CYP2C19: variants seen among roughly 807,000 people sequenced by gnomAD.
The protein encoded by CYP2C19 is cytochrome P450 2C19.
CYP2C19 carries 59 observed loss-of-function variants against 40.9 expected under a neutral mutation model. The ratio of observed to expected loss-of-function variants is 1.44; its 90% CI spans 1.17 to 1.79. The LOEUF is 1.79. Among genes scored for constraint, CYP2C19 ranks in the 40% most tolerant of loss-of-function variants. CYP2C19 has a pLI of 0.00. For missense variants in CYP2C19, 754 were observed against 596.9 expected (o/e 1.26, Z -2.74); for synonymous variants, 253 against 208.7 (o/e 1.21, Z -1.83).
chr10:94,815,857 C>G lies in CYP2C19; in HGVS notation c.820-4639C>G, dbSNP rs183454195. On this transcript the variant is annotated intron_variant, in intron 5 of 8. Transcript: ENST00000371321. ...CAATTTCAACTTTATAATGAATCTG[C>G]AGGCAATATTGAGTCCATGTACCTT... is the stretch of plus-strand genomic sequence containing the variant. Among the ~76,000 whole-genome samples the G allele has an allele frequency of 3.1e-3, 471 of 152,226 alleles. 3 individuals carry two copies. Among genetic ancestry groups the G allele is most frequent in the African/African-American group, 0.011 (448 of 41,540 alleles).
chr10:94,827,558 T>G (rs1849249615), intron 6 of CYP2C19, among the ~76,000 whole-genome samples: 1 of 152,202 alleles, frequency 6.6e-6, no homozygotes, highest in Non-Finnish European at 1.5e-5. Flanking sequence ...TCTCTCTTTT[T>G]CTTTATTAGT....
At chr10:94,773,076 C>T (rs149601423) in intron 1 of CYP2C19, among the ~76,000 whole-genome samples, 138 of 152,310 alleles carry the variant, frequency 9.1e-4, no homozygotes, top group East Asian at 8.1e-3. Context: ...CCACCGCACC[C>T]GGCCATTGGT....
chr10:94,815,360 A>T (rs1348731593), intron 5 of CYP2C19, among the ~76,000 whole-genome samples: 1 of 152,174 alleles, frequency 6.6e-6, no homozygotes, highest in East Asian at 1.9e-4. Flanking sequence ...AAGCATAATT[A>T]ATTTATTGCT....
At chr10:94,794,236 C>T (rs1053332449) in intron 5 of CYP2C19, among the ~76,000 whole-genome samples, 2 of 152,096 alleles carry the variant, frequency 1.3e-5, no homozygotes, top group Non-Finnish European at 2.9e-5. Context: ...GGGAGTGTCC[C>T]AATTTTCCAG....
intron 6 of CYP2C19, among the ~76,000 whole-genome samples, chr10:94,839,928 T>C (rs896430747): frequency 7.2e-5 from 11 of 152,222 alleles, no homozygotes; most frequent in African/African-American, 2.4e-4. Context: ...TACCTTTTTC[T>C]AACCTTATAG....
chr10:94,787,378 T>G (rs1426544766), intron 5 of CYP2C19, among the ~76,000 whole-genome samples: 2 of 152,136 alleles, frequency 1.3e-5, no homozygotes, highest in African/African-American at 4.8e-5. Context: ...AAGTACCTTA[T>G]AGATTCTCGC....
At chr10:94,843,649 C>T (rs996177142) in intron 7 of CYP2C19, among the ~76,000 whole-genome samples, 45 of 152,284 alleles carry the variant, frequency 3.0e-4, no homozygotes, top group Admixed American at 1.2e-3. Context: ...AATCACTATT[C>T]ATAATTTATC....
At position 94,801,703 on chromosome 10, in the gene CYP2C19, C is replaced by T. The variant is rs183763181; in HGVS notation, c.820-18793C>T. ...ATTGACAGTGGGTGATAAAATCTCC[C>T]ACTATTATTGTGTGGGAGTCTAAGT... On this transcript the variant is annotated intron_variant, in intron 5 of 8. Coordinates refer to ENST00000371321, the MANE Select transcript of CYP2C19 (RefSeq NM_000769.4). Among the ~76,000 whole-genome samples, 474 of 152,226 alleles carry T rather than the reference C, an allele frequency of 3.1e-3. 3 individuals carry two copies. Among genetic ancestry groups the T allele is most frequent in the African/African-American group, 0.011 (450 of 41,538 alleles).
intron 5 of CYP2C19, 90 bp downstream of exon 5, chr10:94,782,087 G>T: frequency 9.3e-7 from 1 of 1,071,480 alleles, no homozygotes. Flanking sequence ...TGTTTAACAG[G>T]TCAAGGAGTA....
chr10:94,834,603 C>A (rs1264018318), intron 6 of CYP2C19, among the ~76,000 whole-genome samples: 1 of 149,974 alleles, frequency 6.7e-6, no homozygotes, highest in African/African-American at 2.5e-5. Flanking sequence ...TGAAACAGAG[C>A]TCCCATACAA....
Position 94,854,543 on chromosome 10 carries a change from G to A in CYP2C19, c.*1629G>A, listed in dbSNP as rs571836372. Among the ~76,000 whole-genome samples the A allele has an allele frequency of 6.6e-6, 1 of 151,872 alleles. No individual in the cohort carries two copies. Among genetic ancestry groups the A allele is most frequent in the Admixed American group, 6.6e-5 (1 of 15,240 alleles). On this transcript the variant is annotated 3_prime_UTR_variant, in exon 9 of 9. Coordinates refer to ENST00000371321, the MANE Select transcript of CYP2C19 (RefSeq NM_000769.4). ...GTAAGAAATAAGAAGTAACATAATT[G>A]ATTATGCTTTTCACAGCTCATCTCC...
At chr10:94,812,913 G>T (rs1848947635) in intron 5 of CYP2C19, among the ~76,000 whole-genome samples, 1 of 151,726 alleles carries the variant, frequency 6.6e-6, no homozygotes, top group African/African-American at 2.4e-5. Context: ...TGCTGGCAAG[G>T]AGTTGTGATC....
chr10:94,834,036 T>G (rs1023360450), intron 6 of CYP2C19, among the ~76,000 whole-genome samples: 7 of 152,352 alleles, frequency 4.6e-5, no homozygotes, highest in Admixed American at 1.3e-4. Context: ...GGAAGTATTC[T>G]CTTCTCCTTT....
chr10:94,799,268 G>A (rs1440044346), intron 5 of CYP2C19, among the ~76,000 whole-genome samples: 1 of 151,784 alleles, frequency 6.6e-6, no homozygotes, highest in Non-Finnish European at 1.5e-5. Flanking sequence ...ACGAGGCTTA[G>A]TTTGGCTGGA....
At chr10:94,829,908 C>T (rs1849299452) in intron 6 of CYP2C19, among the ~76,000 whole-genome samples, 1 of 152,126 alleles carries the variant, frequency 6.6e-6, no homozygotes, top group Non-Finnish European at 1.5e-5. Flanking sequence ...GTTGGAATAA[C>T]CTGCCGTGTG....
chr10:94,777,404 C>T (rs2134237880), intron 3 of CYP2C19, among the ~76,000 whole-genome samples: 1 of 152,224 alleles, frequency 6.6e-6, no homozygotes, highest in African/African-American at 2.4e-5. Context: ...TCAAACTATA[C>T]TACAAGGCTA....
chr10:94,809,386 A>G (rs565968329), intron 5 of CYP2C19, among the ~76,000 whole-genome samples: 139 of 152,152 alleles, frequency 9.1e-4, no homozygotes, highest in African/African-American at 2.7e-3. Context: ...TCTGTGGGTT[A>G]TCTTTTCACT....
At chr10:94,768,999 C>G (rs1848289747) in intron 1 of CYP2C19, among the ~76,000 whole-genome samples, 1 of 151,932 alleles carries the variant, frequency 6.6e-6, no homozygotes, top group Non-Finnish European at 1.5e-5. Flanking sequence ...CCATAGTTGG[C>G]AAAAGTCGGT....
At position 94,853,085 on chromosome 10, in the gene CYP2C19, A is replaced by G. The variant is rs1158535701; in HGVS notation, c.*171A>G. On this transcript the variant is annotated 3_prime_UTR_variant, in exon 9 of 9. Transcript: ENST00000371321. The stretch of plus-strand genomic sequence containing the variant: ...TAAAAAAGTTTCACTGTGCAAATAT[A>G]TCTGCTATTCCCCATACTCTATAAT... 3.1e-6 allele frequency: 2 copies of G among 654,692 alleles called. No homozygotes were observed. Among genetic ancestry groups the G allele is most frequent in the Non-Finnish European group, 5.2e-6 (2 of 386,012 alleles). The allele number at this position is 654,692 out of a possible 1,614,324, so 40.6% of individuals were successfully genotyped here. A position where few individuals can be genotyped will look rare whatever the true frequency, so the allele number is the denominator to read the frequency against.
Sources: allele counts gnomAD v4.1 joint callset (sites outside exome capture counted in the v4.1 genomes callset), GRCh38; gene constraint gnomAD v4.1.1; transcripts MANE v1.5; gene names NCBI Gene and HGNC (gene_info 2026-07-23, HGNC 2026-07-21).